Variants in CSMD1 observed in about 807,000 individuals in gnomAD.
CSMD1 encodes the protein CUB and Sushi multiple domains 1.
In CSMD1, 213 loss-of-function variants were observed where a neutral mutation model predicts 417.5. The ratio of observed to expected loss-of-function variants is 0.51; its 90% CI spans 0.46 to 0.57. The LOEUF is 0.57. Ranked by LOEUF, CSMD1 falls within the 20% of genes least tolerant of loss-of-function variation. The probability of loss-of-function intolerance (pLI) is 0.00; values close to 1 mark genes in which losing one functional copy is unlikely to be tolerated. For missense variants in CSMD1, 6,923 were observed against 4,529.7 expected, an observed-to-expected ratio of 1.53 and a Z score of -15.17; for synonymous variants, 2,862 against 1,736.8, an observed-to-expected ratio of 1.65 and a Z score of -16.11.
intron 33 of CSMD1, among the ~76,000 whole-genome samples, chr8:3,190,594 A>C (rs1176323450): frequency 1.3e-5 from 2 of 152,194 alleles, no homozygotes; most frequent in East Asian, 1.9e-4. Context: ...GATGTAATAA[A>C]AATCTTAAAC....
At chr8:3,251,138 C>T (rs1244055802) in intron 26 of CSMD1, among the ~76,000 whole-genome samples, 5 of 152,028 alleles carry the variant, frequency 3.3e-5, no homozygotes, top group Admixed American at 1.3e-4. Context: ...AGTCCTTGCC[C>T]GTGCCTATGT....
intron 5 of CSMD1, among the ~76,000 whole-genome samples, chr8:3,813,344 A>G (rs1302678169): frequency 6.6e-6 from 1 of 152,158 alleles, no homozygotes; most frequent in Non-Finnish European, 1.5e-5. Context: ...CTGCAAGTAA[A>G]TTTGATTTTG....
intron 5 of CSMD1, among the ~76,000 whole-genome samples, chr8:3,756,234 T>G (rs1035692861): frequency 6.6e-6 from 1 of 151,650 alleles, no homozygotes; most frequent in Non-Finnish European, 1.5e-5. Context: ...GCGCCTGTAG[T>G]CCCAGCTACT....
intron 41 of CSMD1, among the ~76,000 whole-genome samples, chr8:3,137,001 G>A (rs997732652): frequency 4.0e-5 from 6 of 151,874 alleles, no homozygotes; most frequent in African/African-American, 1.5e-4. Context: ...TATTCATGGG[G>A]TACATAGTGA....
intron 3 of CSMD1, among the ~76,000 whole-genome samples, chr8:4,404,763 A>T (rs536578790): frequency 6.6e-6 from 1 of 152,080 alleles, no homozygotes; most frequent in Non-Finnish European, 1.5e-5. Flanking sequence ...CATATAAATG[A>T]AAGTTGAATA....
intron 5 of CSMD1, among the ~76,000 whole-genome samples, chr8:3,858,178 T>C (rs551985176): frequency 2.6e-5 from 4 of 152,198 alleles, no homozygotes; most frequent in Admixed American, 6.5e-5. Flanking sequence ...AATTAAGTAA[T>C]TTTTTGACTC....
chr8:3,888,184 T>C (rs1368953749), intron 5 of CSMD1, among the ~76,000 whole-genome samples: 3 of 152,190 alleles, frequency 2.0e-5, no homozygotes, highest in African/African-American at 2.4e-5. Flanking sequence ...AATTATAACA[T>C]ACCTGACCTA....
intron 3 of CSMD1, among the ~76,000 whole-genome samples, chr8:4,196,148 T>C (rs563514600): frequency 6.6e-6 from 1 of 151,838 alleles, no homozygotes. Flanking sequence ...GAAGTGGAGC[T>C]TGCAGGGAGC....
chr8:4,213,179 T>C (rs73658486), intron 3 of CSMD1, among the ~76,000 whole-genome samples: 3,687 of 152,154 alleles, frequency 0.024, 171 homozygotes, highest in African/African-American at 0.084. Flanking sequence ...GGGAGAGACA[T>C]AGTTGAGAAT....
At chr8:4,194,971 C>G (rs922470094) in intron 3 of CSMD1, among the ~76,000 whole-genome samples, 74 of 151,712 alleles carry the variant, frequency 4.9e-4, no homozygotes, top group African/African-American at 1.7e-3. Flanking sequence ...TGAGAATGGA[C>G]TATCTAGCTT....
At chr8:3,057,084 A>T (rs1306504203) in intron 49 of CSMD1, among the ~76,000 whole-genome samples, 1 of 152,152 alleles carries the variant, frequency 6.6e-6, no homozygotes, top group Non-Finnish European at 1.5e-5. Context: ...ATAAGTGACT[A>T]TACAGAAACT....
At chr8:3,556,873 T>C (rs567526646) in intron 10 of CSMD1, among the ~76,000 whole-genome samples, 2 of 152,078 alleles carry the variant, frequency 1.3e-5, no homozygotes, top group Non-Finnish European at 2.9e-5. Context: ...TCAGCACACT[T>C]CGTACTTCAC....
intron 10 of CSMD1, among the ~76,000 whole-genome samples, chr8:3,557,368 A>T (rs1315603782): frequency 3.9e-5 from 6 of 152,152 alleles, no homozygotes; most frequent in Non-Finnish European, 8.8e-5. Flanking sequence ...AAACTTGGCC[A>T]TTATTACTAT....
intron 5 of CSMD1, among the ~76,000 whole-genome samples, chr8:3,818,699 A>C (rs1344513045): frequency 2.6e-5 from 4 of 152,172 alleles, no homozygotes; most frequent in Non-Finnish European, 1.5e-5. Context: ...GCAGTCAACA[A>C]AGGAAGGGAG....
intron 50 of CSMD1, 60 bp downstream of exon 50, chr8:3,052,402 C>G (rs1312538858): frequency 3.6e-6 from 5 of 1,396,474 alleles, no homozygotes; most frequent in Admixed American, 4.8e-5. Context: ...GGACTTCTCC[C>G]GAAAGCATTC....
chr8:4,631,402 T>G (rs556663000), intron 2 of CSMD1, among the ~76,000 whole-genome samples: 26 of 151,638 alleles, frequency 1.7e-4, no homozygotes, highest in South Asian at 6.2e-4. Context: ...TGGTTTGTTT[T>G]TTTTTTTTTT....
chr8:3,031,470 T>TA (rs200151995), intron 50 of CSMD1, among the ~76,000 whole-genome samples: 6,401 of 151,740 alleles, frequency 0.042, 461 homozygotes, highest in African/African-American at 0.15. Flanking sequence ...CTAACAATAA[T>TA]AAAAAAAAAT....
intron 3 of CSMD1, among the ~76,000 whole-genome samples, chr8:4,404,931 C>T (rs896838110): frequency 1.3e-5 from 2 of 152,196 alleles, no homozygotes; most frequent in East Asian, 1.9e-4. Flanking sequence ...GTCAGTCATC[C>T]GATATGATTA....
chr8:4,029,893 T>C (rs1271986831), intron 4 of CSMD1, among the ~76,000 whole-genome samples: 1 of 145,492 alleles, frequency 6.9e-6, no homozygotes, highest in East Asian at 2.1e-4. Context: ...ATGGGAGAAA[T>C]TGGTCAAAAC....
Sources: gnomAD v4.1 joint callset for allele counts (sites outside exome capture counted in the v4.1 genomes callset) on GRCh38, gnomAD v4.1.1 for gene constraint, MANE v1.5 for transcripts, NCBI Gene and HGNC (gene_info 2026-07-23, HGNC 2026-07-21) for gene names.